Variants in ELOVL7 observed in about 807,000 individuals in gnomAD.
ELOVL7 encodes the protein ELOVL fatty acid elongase 7.
In ELOVL7, 27 loss-of-function variants were observed where a neutral mutation model predicts 35.7. That is an observed-to-expected ratio of 0.76 (90% CI 0.56 to 1.04). The LOEUF is 1.04. Ranked by LOEUF, ELOVL7 falls within the 50% of genes least tolerant of loss-of-function variation. The pLI is 0.00. For synonymous variants in ELOVL7, 113 were observed against 114.6 expected, an observed-to-expected ratio of 0.99 and a Z score of 0.09; for missense variants, 327 against 340.8, an observed-to-expected ratio of 0.96 and a Z score of 0.32.
intron 3 of ELOVL7, among the ~76,000 whole-genome samples, chr5:60,779,141 C>T (rs544491462): frequency 6.6e-6 from 1 of 152,204 alleles, no homozygotes. Flanking sequence ...GGTACAGCCC[C>T]CTTTCCTGCT....
At chr5:60,808,609 T>C (rs542508081) in intron 1 of ELOVL7, among the ~76,000 whole-genome samples, 2 of 152,322 alleles carry the variant, frequency 1.3e-5, no homozygotes, top group Admixed American at 1.3e-4. Flanking sequence ...GACCCAGCAA[T>C]TTTACTCTTA....
rs1348627025 is a variant in ELOVL7, at chr5:60,757,562, G to A, written c.583C>T (p.Pro195Ser). The change falls in exon 8 of 9, where the codon CCA becomes TCA. Residue 195 changes from proline to serine, a missense_variant. Physicochemically the swap from Pro to Ser is moderately conservative, Grantham distance 74 (BLOSUM62 -1). Coordinates refer to ENST00000508821, the MANE Select transcript of ELOVL7 (RefSeq NM_024930.3). Reference sequence around the variant, plus strand: ...CACCACAAATACTTCTGGTAGGCTGGCCCCAATGCAGAAAGTCCATAGTAG... The same window carrying A: ...CACCACAAATACTTCTGGTAGGCTGACCCCAATGCAGAAAGTCCATAGTAG... ...YSYYGLSALG[P>S]AYQKYLWWKK... 4 of 1,613,192 alleles carry A rather than the reference G, an allele frequency of 2.5e-6. No individual in the cohort carries two copies. The African/African-American group carries it at 5.3e-5, about 22-fold the overall frequency.
intron 2 of ELOVL7, among the ~76,000 whole-genome samples, chr5:60,796,650 G>A (rs1029999375): frequency 6.6e-6 from 1 of 152,198 alleles, no homozygotes; most frequent in Non-Finnish European, 1.5e-5. Context: ...TTACACATTT[G>A]TGTGAGTGAT....
rs1384869047 is a variant in ELOVL7, at chr5:60,764,240, G to A, written c.486C>T (p.Val162=). The part of the protein sequence containing the change: ...TIMPWTWWFG[V]KFAAGGLGTF... ...TCCCTTGTCTACCTGCAGCAAATTT[G>A]ACTCCAAACCACCAGGTCCACGGCA... Residue 162 remains valine (V), a synonymous_variant, in exon 7 of 9, where the codon GTC becomes GTT. Coordinates refer to ENST00000508821, the MANE Select transcript of ELOVL7 (RefSeq NM_024930.3). The A allele has an allele frequency of 1.2e-6, 2 of 1,612,516 alleles. No homozygotes were observed. The highest frequency in any genetic ancestry group is 1.7e-6 in the Non-Finnish European group (2 of 1,179,070).
intron 3 of ELOVL7, among the ~76,000 whole-genome samples, chr5:60,780,139 G>C (rs1273007268): frequency 1.1e-5 from 1 of 95,050 alleles, no homozygotes; most frequent in Admixed American, 1.2e-4. Context: ...TTTTTTTTTA[G>C]ATGTAGTTTC....
intron 1 of ELOVL7, among the ~76,000 whole-genome samples, chr5:60,809,383 G>A (rs1319142973): frequency 6.6e-6 from 1 of 152,168 alleles, no homozygotes; most frequent in Non-Finnish European, 1.5e-5. Flanking sequence ...GGCATTGAAA[G>A]TAGCTAGTCT....
Position 60,754,601 on chromosome 5 carries a change from C to CT in ELOVL7, c.*22_*23insA. ...GTCAAGGAAGACAATGTATCAGTTT[C>CT]GATCATAGACTTATGTTGGGCTTCA... On this transcript the variant is annotated 3_prime_UTR_variant, in exon 9 of 9. Transcript: ENST00000508821. 6.2e-7 allele frequency: 1 copy of CT among 1,600,290 alleles called. No homozygotes were observed. Among genetic ancestry groups the CT allele is most frequent in the South Asian group, 1.1e-5 (1 of 90,634 alleles).
chr5:60,831,268 A>T (rs1010085819), intron 1 of ELOVL7, among the ~76,000 whole-genome samples: 11 of 152,222 alleles, frequency 7.2e-5, no homozygotes, highest in African/African-American at 2.4e-4. Context: ...TAATTTCAAT[A>T]TTATCATTAA....
chr5:60,792,841 T>C (rs1441269498), intron 2 of ELOVL7, among the ~76,000 whole-genome samples: 1 of 152,194 alleles, frequency 6.6e-6, no homozygotes, highest in Non-Finnish European at 1.5e-5. Flanking sequence ...ATCAAGGCTC[T>C]TGTATGAATG....
intron 8 of ELOVL7, 108 bp downstream of exon 8, chr5:60,757,401 C>G: frequency 2.6e-6 from 3 of 1,140,304 alleles, no homozygotes; most frequent in Non-Finnish European, 3.7e-6. Context: ...GACGCTCTAC[C>G]CCTATTGTTT....
chr5:60,795,745 C>T (rs1001244595), intron 2 of ELOVL7, among the ~76,000 whole-genome samples: 4 of 152,192 alleles, frequency 2.6e-5, no homozygotes, highest in East Asian at 1.9e-4. Flanking sequence ...GCTAGAGGCT[C>T]GTCATTGTTC....
At chr5:60,784,200 T>C in intron 3 of ELOVL7, 9 of 1,385,938 alleles carry the variant, frequency 6.5e-6, no homozygotes, top group South Asian at 1.4e-5. Flanking sequence ...CAAGTACTAA[T>C]GAAATGAAGA....
chr5:60,820,028 G>A (rs1745796467), intron 1 of ELOVL7, among the ~76,000 whole-genome samples: 1 of 152,198 alleles, frequency 6.6e-6, no homozygotes, highest in Non-Finnish European at 1.5e-5. Flanking sequence ...GCTGGAAGAA[G>A]GAGGATTTGA....
chr5:60,786,622 G>A (rs1014671952), intron 3 of ELOVL7, among the ~76,000 whole-genome samples: 1 of 152,100 alleles, frequency 6.6e-6, no homozygotes, highest in African/African-American at 2.4e-5. Flanking sequence ...ACTCTGACAG[G>A]TTCCTGGGGG....
At position 60,752,439 on chromosome 5, in the gene ELOVL7, T is replaced by C. The variant is rs1260144482; in HGVS notation, c.*2185A>G. 2.0e-5 allele frequency: 3 copies of C among 152,664 alleles called. No individual in the cohort carries two copies. Among genetic ancestry groups the C allele is most frequent in the African/African-American group, 7.2e-5 (3 of 41,470 alleles). 9.5% of individuals were successfully genotyped at this position (152,664 alleles called of 1,614,324 possible). ...ATAAACTCTCCTGTTTCATCTCTTTTATTTTTGCCTCATTTTGGTCTCTAT... is the reference window on the plus strand; with the variant it reads ...ATAAACTCTCCTGTTTCATCTCTTTCATTTTTGCCTCATTTTGGTCTCTAT... On this transcript the variant is annotated 3_prime_UTR_variant, in exon 9 of 9. Coordinates refer to ENST00000508821, the MANE Select transcript of ELOVL7 (RefSeq NM_024930.3).
At chr5:60,795,893 T>G (rs566036209) in intron 2 of ELOVL7, among the ~76,000 whole-genome samples, 1 of 152,228 alleles carries the variant, frequency 6.6e-6, no homozygotes, top group Admixed American at 6.5e-5. Flanking sequence ...TTCCTTGGAA[T>G]CTGTGAGGCC....
intron 3 of ELOVL7, among the ~76,000 whole-genome samples, chr5:60,774,107 G>A (rs1444240): frequency 0.59 from 89,789 of 152,014 alleles, 27,665 homozygotes; most frequent in African/African-American, 0.74. Flanking sequence ...AAATTGAGGA[G>A]GAGAGATTCC....
intron 6 of ELOVL7, among the ~76,000 whole-genome samples, chr5:60,765,785 G>C (rs546121517): frequency 6.6e-6 from 1 of 152,142 alleles, no homozygotes; most frequent in Non-Finnish European, 1.5e-5. Flanking sequence ...CATTTCAAAA[G>C]GTGAAGCATA....
intron 1 of ELOVL7, among the ~76,000 whole-genome samples, chr5:60,811,992 G>T (rs1343849106): frequency 1.3e-5 from 2 of 152,154 alleles, no homozygotes; most frequent in Non-Finnish European, 2.9e-5. Context: ...AAGGCAGGAG[G>T]ATTGCTTGAG....
Sources: gnomAD v4.1 joint callset for allele counts (sites outside exome capture counted in the v4.1 genomes callset) on GRCh38, gnomAD v4.1.1 for gene constraint, MANE v1.5 for transcripts, NCBI Gene and HGNC (gene_info 2026-07-23, HGNC 2026-07-21) for gene names.